Variants in CPS1 observed in about 807,000 individuals in gnomAD.
CPS1 encodes carbamoyl-phosphate synthase 1.
Under a neutral mutation model 174.6 loss-of-function variants are expected in CPS1, and 109 were observed. That is an observed-to-expected ratio of 0.62 (90% CI 0.53 to 0.73). The LOEUF (loss-of-function observed/expected upper bound fraction) is 0.73, where lower values mean the gene tolerates loss of function less well. Among genes scored for constraint, CPS1 ranks in the 30% least tolerant of loss-of-function variants. The pLI is 0.00. For missense variants in CPS1, 1,689 were observed against 1,821.9 expected (o/e 0.93, Z 1.33); for synonymous variants, 637 against 632.0 (o/e 1.01, Z -0.12).
intron 21 of CPS1, chr2:210,617,928 G>T (rs1699366766): frequency 6.6e-6 from 1 of 151,926 alleles, no homozygotes; most frequent in African/African-American, 2.4e-5. Context: ...AAGCCACATG[G>T]GGGTGCTAGA....
intron 4 of CPS1, 23 bp from the exon 5 acceptor site, chr2:210,579,691 T>A: frequency 1.3e-6 from 2 of 1,597,994 alleles, no homozygotes; most frequent in African/African-American, 2.7e-5. Context: ...AATTTCACTG[T>A]CACTACAATT....
At chr2:210,543,363 C>G (rs1158392501) in intron 1 of CPS1, among the ~76,000 whole-genome samples, 1 of 152,006 alleles carries the variant, frequency 6.6e-6, no homozygotes, top group Non-Finnish European at 1.5e-5. Context: ...GATTGCCTTT[C>G]AGATCTCTCC....
At chr2:210,634,973 AGTCTCCGTTGTCTGAG>A (rs1461960183) in intron 21 of CPS1, among the ~76,000 whole-genome samples, 3 of 151,970 alleles carry the variant, frequency 2.0e-5, no homozygotes, top group Admixed American at 6.6e-5. Context: ...TTTGAGGTGG[AGTCTCCGTTGTCTGAG>A]CTGGAGTGCA....
rs371233270 is a variant in CPS1, at chr2:210,645,401, C to A, written c.3142-2462C>A. On this transcript the variant is annotated intron_variant, in intron 25 of 37. Coordinates refer to ENST00000233072, the MANE Select transcript of CPS1 (RefSeq NM_001875.5). ...TAACATTAACTACACCTGAAATGAG[C>A]CAGAAAAGTAGAGTTAACTTAAGAT... Among the ~76,000 whole-genome samples, 21 of 152,206 alleles carry A rather than the reference C, an allele frequency of 1.4e-4. No individual in the cohort carries two copies. The East Asian group carries it at 3.9e-3, about 28-fold the overall frequency.
At chr2:210,637,969 CG>C in intron 22 of CPS1, 126 bp downstream of exon 22, 1 of 1,056,348 alleles carries the variant, frequency 9.5e-7, no homozygotes, top group Admixed American at 1.8e-5. Flanking sequence ...AATACTCATC[CG>C]GTTGATGCTC....
intron 15 of CPS1, 70 bp from the exon 16 acceptor site, chr2:210,602,132 T>C: frequency 6.3e-7 from 1 of 1,592,706 alleles, no homozygotes; most frequent in Non-Finnish European, 8.6e-7. Context: ...ATTGCCAGAC[T>C]CTCTTGGTGT....
At chr2:210,570,821 T>A (rs1481965757) in intron 1 of CPS1, among the ~76,000 whole-genome samples, 1 of 151,946 alleles carries the variant, frequency 6.6e-6, no homozygotes, top group Non-Finnish European at 1.5e-5. Context: ...AGGTTTCACC[T>A]AATAAAACAC....
intron 1 of CPS1, chr2:210,519,870 T>C (rs1305669083): frequency 4.0e-6 from 3 of 753,720 alleles, no homozygotes; most frequent in Non-Finnish European, 4.8e-6. Context: ...TGTAGTGATA[T>C]AATCAGAGAT....
upstream of CPS1, chr2:210,555,526 G>A (rs1030523257): frequency 1.4e-5 from 6 of 435,192 alleles, no homozygotes; most frequent in Non-Finnish European, 2.8e-5. Context: ...GTAAGCGTGA[G>A]GACTTAAATT....
chr2:210,657,800 A>G (rs1700767413), intron 30 of CPS1: 1 of 152,228 alleles, frequency 6.6e-6, no homozygotes, highest in South Asian at 2.1e-4. Flanking sequence ...AGGTAGCAGG[A>G]TACTTTGTAA....
At chr2:210,642,032 A>T (rs1420498762) in intron 24 of CPS1, among the ~76,000 whole-genome samples, 1 of 152,188 alleles carries the variant, frequency 6.6e-6, no homozygotes, top group African/African-American at 2.4e-5. Context: ...CACCTCAGGG[A>T]TCATTAGGTT....
chr2:210,555,687 T>C (rs1696891862), upstream of CPS1: 1 of 455,434 alleles, frequency 2.2e-6, no homozygotes, highest in Admixed American at 2.4e-5. Context: ...CTTGGCCTTC[T>C]TTGCAAGGGT....
At chr2:210,628,074 A>G (rs1699747263) in intron 21 of CPS1, among the ~76,000 whole-genome samples, 1 of 152,040 alleles carries the variant, frequency 6.6e-6, no homozygotes, top group African/African-American at 2.4e-5. Flanking sequence ...GTATTTTGAC[A>G]CCATTTGCCT....
chr2:210,482,682 GA>G (rs2105942032), intron 1 of CPS1, among the ~76,000 whole-genome samples: 1 of 151,576 alleles, frequency 6.6e-6, no homozygotes, highest in Non-Finnish European at 1.5e-5. Context: ...GAGAAAGAGA[GA>G]GAGAGAGAGA....
At chr2:210,544,597 G>C (rs1327310568) in intron 1 of CPS1, among the ~76,000 whole-genome samples, 2 of 152,006 alleles carry the variant, frequency 1.3e-5, no homozygotes, top group African/African-American at 2.4e-5. Context: ...ACTTGAAATA[G>C]TTTTAAAGCC....
At chr2:210,525,809 G>GAC (rs1244059239) in intron 1 of CPS1, among the ~76,000 whole-genome samples, 4 of 146,658 alleles carry the variant, frequency 2.7e-5, no homozygotes, top group Non-Finnish European at 6.0e-5. Context: ...GTAAAATGGA[G>GAC]AGAGAGAGAG....
At chr2:210,632,082 A>T (rs1458691695) in intron 21 of CPS1, among the ~76,000 whole-genome samples, 1 of 152,108 alleles carries the variant, frequency 6.6e-6, no homozygotes, top group Admixed American at 6.6e-5. Flanking sequence ...TCTTTTAGTA[A>T]TTATTCTGTT....
intron 1 of CPS1, among the ~76,000 whole-genome samples, chr2:210,528,730 A>G (rs1696038568): frequency 6.6e-6 from 1 of 150,504 alleles, no homozygotes; most frequent in African/African-American, 2.4e-5. Context: ...GCAGATCTCT[A>G]TTTTCCTAAT....
In CPS1 at chr2:210,599,552, C is replaced by T. The variant is rs890185470; in HGVS notation, c.1540C>T (p.Leu514=). ...LILGMGGQTA[L]NCGVELFKRG... Reference sequence around the variant, plus strand: ...TCTGGGCATGGGTGGCCAGACAGCTCTGAACTGTGGTGAGTTCTTATAAGC... The same window carrying T: ...TCTGGGCATGGGTGGCCAGACAGCTTTGAACTGTGGTGAGTTCTTATAAGC... Residue 514 remains leucine, a synonymous_variant, in exon 14 of 38, where the codon CTG becomes TTG. Transcript: ENST00000233072. The T allele has an allele frequency of 6.2e-7, 1 of 1,612,368 alleles. No individual in the cohort carries two copies. The highest frequency in any genetic ancestry group is 8.5e-7 in the Non-Finnish European group (1 of 1,178,890).
Sources: allele counts gnomAD v4.1 joint callset (sites outside exome capture counted in the v4.1 genomes callset), GRCh38; gene constraint gnomAD v4.1.1; transcripts MANE v1.5; gene names NCBI Gene and HGNC (gene_info 2026-07-23, HGNC 2026-07-21).